GTF2H3: variants seen among roughly 807,000 people sequenced by gnomAD.
The protein encoded by GTF2H3 is TFIIH basal transcription factor complex p34 subunit.
GTF2H3 carries 42 observed loss-of-function variants against 51.1 expected under a neutral mutation model. That is an observed-to-expected ratio of 0.82 (90% CI 0.64 to 1.06). The LOEUF is 1.06. Ranked by LOEUF, GTF2H3 falls within the 50% of genes least tolerant of loss-of-function variation. The probability of loss-of-function intolerance (pLI) is 0.00; values close to 1 mark genes in which losing one functional copy is unlikely to be tolerated. For missense variants in GTF2H3, 326 were observed against 366.1 expected (o/e 0.89, Z 0.89); for synonymous variants, 123 against 123.8 (o/e 0.99, Z 0.04).
At chr12:123,652,182 T>C (rs1477008953) in intron 5 of GTF2H3, among the ~76,000 whole-genome samples, 1 of 152,216 alleles carries the variant, frequency 6.6e-6, no homozygotes, top group Admixed American at 6.5e-5. Flanking sequence ...AGTGATTATT[T>C]TGTCCTGGAG....
chr12:123,659,966 T>C (rs746863698), intron 11 of GTF2H3, 36 bp downstream of exon 11: 1 of 1,606,394 alleles, frequency 6.2e-7, no homozygotes, highest in Non-Finnish European at 8.5e-7. Context: ...TTTTTTTCTA[T>C]GTTGGGGGGC....
intron 2 of GTF2H3, among the ~76,000 whole-genome samples, chr12:123,643,445 G>C (rs79877611): frequency 2.6e-5 from 4 of 152,128 alleles, no homozygotes; most frequent in African/African-American, 7.2e-5. Flanking sequence ...GAAAGGCTGC[G>C]TTTGCACTCA....
chr12:123,655,953 C>T (rs909534429), intron 9 of GTF2H3, 129 bp downstream of exon 9: 1 of 605,076 alleles, frequency 1.7e-6, no homozygotes, highest in African/African-American at 1.9e-5. Flanking sequence ...CTAATTTTAT[C>T]TATGTCTTTC....
In GTF2H3 at chr12:123,641,527, G is replaced by GTT. The variant is rs112546170; in HGVS notation, c.93+2194_93+2195dup. ...AGGCATGAGCCACGTGTCTGCCCCC[G>GTT]TTTTTTTTTTTGTGTGTTTTTTTTT... is the stretch of plus-strand genomic sequence containing the variant. On this transcript the variant is annotated intron_variant, in intron 2 of 12. Coordinates refer to ENST00000543341, the MANE Select transcript of GTF2H3 (RefSeq NM_001516.5). Among the ~76,000 whole-genome samples, 235 of 128,444 alleles carry GTT rather than the reference G, an allele frequency of 1.8e-3. 12 individuals carry two copies. The highest frequency in any genetic ancestry group is 7.1e-3 in the African/African-American group (208 of 29,294). 84.3% of individuals were successfully genotyped at this position (128,444 alleles called of 152,430 possible). A position where few individuals can be genotyped will look rare whatever the true frequency, so the allele number is the denominator to read the frequency against.
intron 2 of GTF2H3, among the ~76,000 whole-genome samples, chr12:123,643,738 A>G (rs1955410009): frequency 6.6e-6 from 1 of 152,054 alleles, no homozygotes; most frequent in Non-Finnish European, 1.5e-5. Flanking sequence ...CCAGTTTGTA[A>G]CTTGTTTTCT....
At chr12:123,654,867 T>G in intron 7 of GTF2H3, 57 bp from the exon 8 acceptor site, 1 of 1,135,134 alleles carries the variant, frequency 8.8e-7, no homozygotes, top group Non-Finnish European at 1.3e-6. Context: ...TTGTGTGACA[T>G]TGGTGTGAGA....
chr12:123,640,744 A>G (rs554492943), intron 2 of GTF2H3, among the ~76,000 whole-genome samples: 12 of 152,226 alleles, frequency 7.9e-5, no homozygotes, highest in Admixed American at 7.9e-4. Flanking sequence ...ATGAAATTCA[A>G]ATTTCTGGGT....
chr12:123,639,997 T>G (rs1280966152), intron 2 of GTF2H3: 1 of 455,746 alleles, frequency 2.2e-6, no homozygotes, highest in Admixed American at 2.3e-5. Context: ...TACTTGGGAC[T>G]ACAGGTGCGT....
At chr12:123,650,886 T>C in intron 4 of GTF2H3, 108 bp from the exon 5 acceptor site, 2 of 687,576 alleles carry the variant, frequency 2.9e-6, no homozygotes, top group Non-Finnish European at 5.2e-6. Context: ...ATTTCATTTA[T>C]GAAGAATGCT....
chr12:123,640,046 G>A (rs1158528718), intron 2 of GTF2H3: 1 of 442,698 alleles, frequency 2.3e-6, no homozygotes, highest in Non-Finnish European at 4.6e-6. Context: ...TTTTAGTAGA[G>A]ATGGGGTTTT....
chr12:123,637,279 T>C (rs553258975), intron 1 of GTF2H3, among the ~76,000 whole-genome samples: 22 of 152,118 alleles, frequency 1.4e-4, no homozygotes, highest in African/African-American at 5.1e-4. Flanking sequence ...TGCGTGCATG[T>C]AGTCCTTACT....
In GTF2H3 at chr12:123,641,798, A is replaced by G. The variant is rs555537258; in HGVS notation, c.93+2455A>G. ...GTTAAATAAATATTTTTTACGTACT[A>G]TATTAATTCTTCTGTTGATTTGATT... On this transcript the variant is annotated intron_variant, in intron 2 of 12. Transcript: ENST00000543341. Among the ~76,000 whole-genome samples the G allele has an allele frequency of 4.6e-5, 7 of 152,170 alleles. No individual in the cohort carries two copies. The East Asian group carries it at 1.2e-3, about 25-fold the overall frequency.
rs141444558 is a variant in GTF2H3, at chr12:123,638,865, G to A, written c.14-399G>A. ...GGCTGGAGTGCAGTGGCGTGATCTCGGCTCACTGCAAGCTCCGCCTCCTGG... is the reference window on the plus strand; with the variant it reads ...GGCTGGAGTGCAGTGGCGTGATCTCAGCTCACTGCAAGCTCCGCCTCCTGG... On this transcript the variant is annotated intron_variant, in intron 1 of 12. Transcript: ENST00000543341. 5.5e-4 allele frequency among the ~76,000 whole-genome samples: 79 copies of A among 144,734 alleles called. 1 individual carries two copies. In the East Asian group the frequency reaches 0.014, roughly 26 times the overall value. 95.0% of individuals were successfully genotyped at this position (144,734 alleles called of 152,430 possible). A position where few individuals can be genotyped will look rare whatever the true frequency, so the allele number is the denominator to read the frequency against.
chr12:123,635,690 G>A (rs1200989730), intron 1 of GTF2H3, among the ~76,000 whole-genome samples: 1 of 152,084 alleles, frequency 6.6e-6, no homozygotes, highest in Admixed American at 6.5e-5. Flanking sequence ...TGGGATTACA[G>A]GCGTGAGCCA....
chr12:123,661,501 C>G lies in GTF2H3; in HGVS notation c.*1266C>G, dbSNP rs115048185. On this transcript the variant is annotated 3_prime_UTR_variant, in exon 13 of 13. Coordinates refer to ENST00000543341, the MANE Select transcript of GTF2H3 (RefSeq NM_001516.5). The stretch of plus-strand genomic sequence containing the variant: ...ACTAAAAATAGAAAAATTAGCCATG[C>G]GAAGTAGCAGGTGCCTGTAGTTCCA... 0.016 allele frequency: 2,441 copies of G among 151,726 alleles called. 58 individuals are homozygous for G. The highest frequency in any genetic ancestry group is 0.057 in the African/African-American group (2,341 of 41,332). 9.4% of individuals were successfully genotyped at this position (151,726 alleles called of 1,614,324 possible). A position where few individuals can be genotyped will look rare whatever the true frequency, so the allele number is the denominator to read the frequency against.
At chr12:123,646,405 G>A (rs1955447860) in intron 3 of GTF2H3, among the ~76,000 whole-genome samples, 2 of 152,070 alleles carry the variant, frequency 1.3e-5, no homozygotes, top group Admixed American at 1.3e-4. Context: ...GGGACTACAG[G>A]TGTGCACCAC....
intron 2 of GTF2H3, among the ~76,000 whole-genome samples, chr12:123,643,580 G>C (rs1955407964): frequency 6.6e-6 from 1 of 151,960 alleles, no homozygotes; most frequent in African/African-American, 2.4e-5. Context: ...TGTATTTCGT[G>C]GCCATTTGTA....
Position 123,660,128 on chromosome 12 carries a change from T to C in GTF2H3, c.858-38T>C, listed in dbSNP as rs1593817860. 4 of 1,608,848 alleles carry C rather than the reference T, an allele frequency of 2.5e-6. No homozygotes were observed. In the East Asian group the frequency reaches 6.7e-5, roughly 27 times the overall value. ...GTGGGTGGCTAATACTTCACAGCTC[T>C]AGAACATTAAAAAATGTTTTCCTCT... On this transcript the variant is annotated intron_variant, in intron 12 of 12. Coordinates refer to ENST00000543341, the MANE Select transcript of GTF2H3 (RefSeq NM_001516.5).
intron 9 of GTF2H3, among the ~76,000 whole-genome samples, chr12:123,656,295 G>A (rs922446967): frequency 2.6e-5 from 4 of 152,154 alleles, no homozygotes; most frequent in East Asian, 3.9e-4. Context: ...CAGCTTGATC[G>A]TAGGTATATG....
Sources: allele counts gnomAD v4.1 joint callset (sites outside exome capture counted in the v4.1 genomes callset), GRCh38; gene constraint gnomAD v4.1.1; transcripts MANE v1.5; gene names NCBI Gene and HGNC (gene_info 2026-07-23, HGNC 2026-07-21).